The following AMER1 variants were observed in gnomAD, a reference collection of about 807,000 sequenced individuals.
The protein encoded by AMER1 is APC membrane recruitment protein 1.
Under a neutral mutation model 53.0 loss-of-function variants are expected in AMER1, and 16 were observed. The observed-to-expected ratio is 0.30, with a 90% CI of 0.20 to 0.46. AMER1 has a LOEUF of 0.46. Ranked by LOEUF, AMER1 falls within the 20% of genes least tolerant of loss-of-function variation. The pLI is 1.00. For synonymous variants in AMER1, 354 were observed against 331.9 expected, an observed-to-expected ratio of 1.07 and a Z score of -0.73; for missense variants, 947 against 884.9, an observed-to-expected ratio of 1.07 and a Z score of -0.89.
In AMER1 at chrX:64,188,526, TCG is replaced by T; in HGVS notation, c.*1351_*1352del. 1.2e-6 allele frequency: 1 copy of T among 804,610 alleles called. No individual in the cohort carries two copies. The highest frequency in any genetic ancestry group is 1.5e-6 in the Non-Finnish European group (1 of 670,218). The allele number at this position is 804,610 out of a possible 1,213,427, so 66.3% of individuals were successfully genotyped here. A position where few individuals can be genotyped will look rare whatever the true frequency, so the allele number is the denominator to read the frequency against. ...CCTGTCATTTGATGATGCTAAGGAC[TCG>T]GCTAATTGGAAGATAAAAGCTCTTT... On this transcript the variant is annotated 3_prime_UTR_variant, in exon 2 of 2. Coordinates refer to ENST00000374869, the MANE Select transcript of AMER1 (RefSeq NM_152424.4).
At chrX:64,205,515 G>T (rs1323727497) in intron 1 of AMER1, 55 bp downstream of exon 1, 1 of 113,138 alleles carries the variant, frequency 8.8e-6, no homozygotes, top group East Asian at 2.8e-4. Flanking sequence ...CAGAGCACGC[G>T]GGAATGCACC....
rs1258291174 is a variant in AMER1, at chrX:64,190,141, C to T, written c.3146G>A (p.Arg1049Gln). Reference sequence around the variant, plus strand: ...CTCATCAACAGGCAGCAGCACATCTCGAGGCCTGGCCCTCATGCTCTGGGA... The same window carrying T: ...CTCATCAACAGGCAGCAGCACATCTTGAGGCCTGGCCCTCATGCTCTGGGA... ...QASQSMRARP[R>Q]DVLLPVDEPS... Residue 1049 changes from arginine to glutamine, a missense_variant, in exon 2 of 2, where the codon CGA (arginine) becomes CAA (glutamine). Arg to Gln is a conservative substitution (Grantham distance 43, BLOSUM62 1). Coordinates refer to ENST00000374869, the MANE Select transcript of AMER1 (RefSeq NM_152424.4). 3.3e-6 allele frequency: 4 copies of T among 1,206,441 alleles called. No homozygotes were observed. The highest frequency in any genetic ancestry group is 3.0e-5 in the East Asian group (1 of 33,625).
Position 64,191,004 on chromosome X carries a change from C to A in AMER1, c.2283G>T (p.Lys761Asn), listed in dbSNP as rs2147086426. The change falls in exon 2 of 2, where the codon AAG becomes AAT. Residue 761 changes from lysine to asparagine, a missense_variant. Lys to Asn is a moderately conservative substitution (Grantham distance 94, BLOSUM62 0). Coordinates refer to ENST00000374869, the MANE Select transcript of AMER1 (RefSeq NM_152424.4). ...PEDPEEEEVE[K>N]EGNATVSFSQ... Reference sequence around the variant, plus strand: ...AGAAACTCACAGTGGCATTCCCTTCCTTCTCAACCTCCTCTTCCTCTGGAT... The same window carrying A: ...AGAAACTCACAGTGGCATTCCCTTCATTCTCAACCTCCTCTTCCTCTGGAT... The A allele has an allele frequency of 8.3e-7, 1 of 1,211,941 alleles. No individual in the cohort carries two copies. Among genetic ancestry groups the A allele is most frequent in the Non-Finnish European group, 1.1e-6 (1 of 895,545 alleles).
chrX:64,187,625 G>A lies in AMER1; in HGVS notation c.*2254C>T. On this transcript the variant is annotated 3_prime_UTR_variant, in exon 2 of 2. Coordinates refer to ENST00000374869, the MANE Select transcript of AMER1 (RefSeq NM_152424.4). ...ATGGCTCTACCGCCTGCTGTGGCTG[G>A]CACAGTCCACATGTAGACAGGAGCT... 1.3e-6 allele frequency: 1 copy of A among 776,081 alleles called. No individual in the cohort carries two copies. Among genetic ancestry groups the A allele is most frequent in the Non-Finnish European group, 1.5e-6 (1 of 651,724 alleles). The allele number at this position is 776,081 out of a possible 1,213,427, so 64.0% of individuals were successfully genotyped here.
intron 1 of AMER1, among the ~76,000 whole-genome samples, chrX:64,199,965 G>T (rs1253015047): frequency 1.8e-5 from 2 of 112,519 alleles, no homozygotes; most frequent in Admixed American, 1.9e-4. Context: ...GGGAGATGTG[G>T]TCACCCAGAT....
In AMER1 at chrX:64,188,447, CAGG is replaced by C. The variant is rs1340691513; in HGVS notation, c.*1429_*1431del. On this transcript the variant is annotated 3_prime_UTR_variant, in exon 2 of 2. Transcript: ENST00000374869. ...GTTTAACATGAAAACTGCATGGATGCAGGAGAAGGGAGGGTGCCATTCATTCCA... is the reference window on the plus strand; with the variant it reads ...GTTTAACATGAAAACTGCATGGATGCAGAAGGGAGGGTGCCATTCATTCCA... The C allele has an allele frequency of 1.0e-5, 8 of 802,668 alleles. No individual in the cohort carries two copies. The Admixed American group carries it at 5.4e-4, about 54-fold the overall frequency. 66.1% of individuals were successfully genotyped at this position (802,668 alleles called of 1,213,427 possible).
Position 64,188,573 on chromosome X carries a change from C to T in AMER1, c.*1306G>A, listed in dbSNP as rs1271938002. The T allele has an allele frequency of 1.2e-6, 1 of 803,815 alleles. No individual in the cohort carries two copies. Among genetic ancestry groups the T allele is most frequent in the Non-Finnish European group, 1.5e-6 (1 of 669,730 alleles). 66.2% of individuals were successfully genotyped at this position (803,815 alleles called of 1,213,427 possible). A position where few individuals can be genotyped will look rare whatever the true frequency, so the allele number is the denominator to read the frequency against. ...CTCTTTAAAGGGCCCAGAACAGCAGCTGAGATGCCTTTGGTATCCTGTCTT... is the reference window on the plus strand; with the variant it reads ...CTCTTTAAAGGGCCCAGAACAGCAGTTGAGATGCCTTTGGTATCCTGTCTT... On this transcript the variant is annotated 3_prime_UTR_variant, in exon 2 of 2. Coordinates refer to ENST00000374869, the MANE Select transcript of AMER1 (RefSeq NM_152424.4).
At position 64,187,829 on chromosome X, in the gene AMER1, G is replaced by A; in HGVS notation, c.*2050C>T. ...CTTCTCTCTTGGAATGCTGTGCTTG[G>A]GGTAAGGAGGGCCTTCCTCACCCTC... On this transcript the variant is annotated 3_prime_UTR_variant, in exon 2 of 2. Transcript: ENST00000374869. 1 of 776,997 alleles carries A rather than the reference G, an allele frequency of 1.3e-6. No individual in the cohort carries two copies. The highest frequency in any genetic ancestry group is 6.7e-5 in the South Asian group (1 of 15,000). 64.0% of individuals were successfully genotyped at this position (776,997 alleles called of 1,213,427 possible).
In AMER1 at chrX:64,186,443, A is replaced by G; in HGVS notation, c.*3436T>C. 1.4e-6 allele frequency: 1 copy of G among 717,209 alleles called. No homozygotes were observed. Among genetic ancestry groups the G allele is most frequent in the Non-Finnish European group, 1.7e-6 (1 of 591,554 alleles). 59.1% of individuals were successfully genotyped at this position (717,209 alleles called of 1,213,427 possible). A position where few individuals can be genotyped will look rare whatever the true frequency, so the allele number is the denominator to read the frequency against. On this transcript the variant is annotated 3_prime_UTR_variant, in exon 2 of 2. Transcript: ENST00000374869. Reference sequence around the variant, plus strand: ...ATTGACTTTTGATATATATATATATATATATTAAAAACAACTTGAATGCAA... The same window carrying G: ...ATTGACTTTTGATATATATATATATGTATATTAAAAACAACTTGAATGCAA...
chrX:64,189,945 AG>A lies in AMER1; in HGVS notation c.3341del (p.Ala1114ValfsTer16). ...PSSLDLSKER[A>X]EQGASLATSY... Reference sequence around the variant, plus strand: ...TGGTGGCAAGAGAGGCACCTTGCTCAGCCCTCTCCTTTGACAGGTCAAGGCT... The same window carrying A: ...TGGTGGCAAGAGAGGCACCTTGCTCACCCTCTCCTTTGACAGGTCAAGGCT... On this transcript the variant is annotated frameshift_variant, in exon 2 of 2. Transcript: ENST00000374869. LOFTEE classifies it high-confidence loss of function. 1 of 1,206,891 alleles carries A rather than the reference AG, an allele frequency of 8.3e-7. No homozygotes were observed.
chrX:64,194,824 C>T (rs984243365), intron 1 of AMER1, among the ~76,000 whole-genome samples: 4 of 111,884 alleles, frequency 3.6e-5, no homozygotes, highest in Non-Finnish European at 5.6e-5. Flanking sequence ...GGCAGCTACA[C>T]TCTAGCCTTG....
intron 1 of AMER1, among the ~76,000 whole-genome samples, chrX:64,201,141 T>C (rs1337534491): frequency 9.0e-6 from 1 of 111,094 alleles, no homozygotes; most frequent in East Asian, 2.8e-4. Flanking sequence ...CCTCAGGTCA[T>C]TTTCTCCATT....
Position 64,186,577 on chromosome X carries a change from G to T in AMER1, c.*3302C>A. On this transcript the variant is annotated 3_prime_UTR_variant, in exon 2 of 2. Transcript: ENST00000374869. ...GGGTGGTGGCACTGGCACAGGTAAG[G>T]AAAGCTGCTGGCAGCAGGATGAAGG... 1 of 777,691 alleles carries T rather than the reference G, an allele frequency of 1.3e-6. No homozygotes were observed. Among genetic ancestry groups the T allele is most frequent in the South Asian group, 6.7e-5 (1 of 15,011 alleles). The allele number at this position is 777,691 out of a possible 1,213,427, so 64.1% of individuals were successfully genotyped here. A position where few individuals can be genotyped will look rare whatever the true frequency, so the allele number is the denominator to read the frequency against.
In AMER1 at chrX:64,185,457, C is replaced by A. The variant is rs887513290; in HGVS notation, c.*4422G>T. ...TGTTTTATTCCCCCCCACCCCCACC[C>A]CCATATACAGCAGGAAAAATAAGCA... is the stretch of plus-strand genomic sequence containing the variant. On this transcript the variant is annotated 3_prime_UTR_variant, in exon 2 of 2. Coordinates refer to ENST00000374869, the MANE Select transcript of AMER1 (RefSeq NM_152424.4). 6.2e-6 allele frequency: 1 copy of A among 161,093 alleles called. No individual in the cohort carries two copies. The highest frequency in any genetic ancestry group is 3.2e-5 in the African/African-American group (1 of 31,589). 13.3% of individuals were successfully genotyped at this position (161,093 alleles called of 1,213,427 possible).
In AMER1 at chrX:64,191,642, G is replaced by T. The variant is rs746279756; in HGVS notation, c.1645C>A (p.Arg549=). ...FLNFEPFLSS[R]PPGAMETEEE... The stretch of plus-strand genomic sequence containing the variant: ...TCTGTCTCCATTGCCCCAGGTGGCC[G>T]GGAGGACAAAAAGGGCTCAAAGTTT... Residue 549 remains arginine, a synonymous_variant, in exon 2 of 2, where the codon CGG becomes AGG. Coordinates refer to ENST00000374869, the MANE Select transcript of AMER1 (RefSeq NM_152424.4). 6.6e-6 allele frequency: 8 copies of T among 1,212,245 alleles called. No homozygotes were observed. Among genetic ancestry groups the T allele is most frequent in the African/African-American group, 1.7e-5 (1 of 57,940 alleles).
chrX:64,194,516 C>T (rs1038850972), intron 1 of AMER1, among the ~76,000 whole-genome samples: 16 of 111,818 alleles, frequency 1.4e-4, no homozygotes, highest in Admixed American at 4.7e-4. Flanking sequence ...CTCTGGTCAT[C>T]CGCTAGCTCA....
At chrX:64,202,986 T>C (rs1418915572) in intron 1 of AMER1, among the ~76,000 whole-genome samples, 1 of 111,434 alleles carries the variant, frequency 9.0e-6, no homozygotes, top group Non-Finnish European at 1.9e-5. Context: ...ACTCATTCAC[T>C]CCCTTCACCC....
Position 64,191,094 on chromosome X carries a change from G to A in AMER1, c.2193C>T (p.Asp731=), listed in dbSNP as rs747854598. The stretch of plus-strand genomic sequence containing the variant: ...ATCCTCCAAAATTTGCTTCTTGCAT[G>A]TCTGGCTCAAACATGGCATCACTCT... ...LFQSDAMFEP[D]MQEANFGGSP... is the part of the protein sequence containing the mutation. The change falls in exon 2 of 2, where the codon GAC becomes GAT. Residue 731 remains aspartate (D), a synonymous_variant. Coordinates refer to ENST00000374869, the MANE Select transcript of AMER1 (RefSeq NM_152424.4). 5 of 1,212,251 alleles carry A rather than the reference G, an allele frequency of 4.1e-6. No homozygotes were observed. The highest frequency in any genetic ancestry group is 4.6e-4 in the Middle Eastern group (2 of 4,355).
intron 1 of AMER1, among the ~76,000 whole-genome samples, chrX:64,205,245 C>CAG (rs1930573605): frequency 3.5e-5 from 4 of 113,484 alleles, no homozygotes; most frequent in African/African-American, 1.3e-4. Context: ...CTGGCGGCGC[C>CAG]CTTCCCGGGA....
Sources: gnomAD v4.1 joint callset for allele counts (sites outside exome capture counted in the v4.1 genomes callset) on GRCh38, gnomAD v4.1.1 for gene constraint, MANE v1.5 for transcripts, NCBI Gene and HGNC (gene_info 2026-07-23, HGNC 2026-07-21) for gene names.